The following ICA1 variants were observed in gnomAD, a reference collection of about 807,000 sequenced individuals.
ICA1 encodes the protein islet cell autoantigen 1.
ICA1 carries 40 observed loss-of-function variants against 71.0 expected under a neutral mutation model. The ratio of observed to expected loss-of-function variants is 0.56; its 90% CI spans 0.44 to 0.73. ICA1 has a LOEUF of 0.73. ICA1 is among the 30% of genes least tolerant of loss of function. The pLI is 0.00. For synonymous variants in ICA1, 207 were observed against 209.5 expected (o/e 0.99, Z 0.10); for missense variants, 578 against 576.5 (o/e 1.00, Z -0.03).
chr7:8,169,194 A>T (rs2128227362), intron 6 of ICA1, among the ~76,000 whole-genome samples: 1 of 152,228 alleles, frequency 6.6e-6, no homozygotes, highest in Admixed American at 6.5e-5. Flanking sequence ...ATGTATTAGT[A>T]GTGTGTTCTT....
chr7:8,140,059 T>C (rs574010549), intron 10 of ICA1, among the ~76,000 whole-genome samples: 22 of 152,268 alleles, frequency 1.4e-4, no homozygotes, highest in South Asian at 1.0e-3. Context: ...GAGAGAAAAT[T>C]TGATTCCCCT....
intron 6 of ICA1, among the ~76,000 whole-genome samples, chr7:8,192,839 C>G (rs1034849026): frequency 6.6e-6 from 1 of 152,156 alleles, no homozygotes; most frequent in African/African-American, 2.4e-5. Context: ...TTTATTTTAA[C>G]GCTTAAATGA....
chr7:8,169,876 TTGTG>T (rs974428424), intron 6 of ICA1, among the ~76,000 whole-genome samples: 1 of 145,974 alleles, frequency 6.9e-6, no homozygotes, highest in Non-Finnish European at 1.5e-5. Flanking sequence ...TCTTTTATGG[TTGTG>T]TGTGTGTGTT....
chr7:8,183,521 C>T lies in ICA1; in HGVS notation c.580-24869G>A, dbSNP rs111387704. 5.2e-3 allele frequency among the ~76,000 whole-genome samples: 786 copies of T among 152,182 alleles called. 4 individuals carry two copies. The highest frequency in any genetic ancestry group is 6.3e-3 in the Non-Finnish European group (429 of 67,998). ...CAGTCAACAAAAAATTATTAAAACC[C>T]CTGGTAATGTGGTGGAGTAGAAAGG... On this transcript the variant is annotated intron_variant, in intron 6 of 13. Coordinates refer to ENST00000402384, the MANE Select transcript of ICA1 (RefSeq NM_001136020.3).
chr7:8,143,820 A>T lies in ICA1; in HGVS notation c.902+55T>A, dbSNP rs552242370. 42 of 1,165,114 alleles carry T rather than the reference A, an allele frequency of 3.6e-5. No individual in the cohort carries two copies. The South Asian group carries it at 5.0e-4, about 14-fold the overall frequency. The allele number at this position is 1,165,114 out of a possible 1,614,324, so 72.2% of individuals were successfully genotyped here. ...CAGCCAGGTTCGGTCAGCGAGAACC[A>T]CATAACTCTCACCTGTGGGAAGAAA... On this transcript the variant is annotated intron_variant, in intron 9 of 13. Transcript: ENST00000402384.
chr7:8,172,261 T>C (rs764652930), intron 6 of ICA1, among the ~76,000 whole-genome samples: 1 of 152,106 alleles, frequency 6.6e-6, no homozygotes, highest in Non-Finnish European at 1.5e-5. Flanking sequence ...TATTCTATTA[T>C]CAGTTGTAGA....
At chr7:8,167,582 A>G (rs1806533981) in intron 6 of ICA1, among the ~76,000 whole-genome samples, 1 of 152,182 alleles carries the variant, frequency 6.6e-6, no homozygotes. Context: ...CCCGGCATGT[A>G]ATTTACCTAA....
intron 6 of ICA1, among the ~76,000 whole-genome samples, chr7:8,210,397 G>GT (rs1302137518): frequency 6.6e-6 from 1 of 152,262 alleles, no homozygotes; most frequent in African/African-American, 2.4e-5. Context: ...TTGCACAAAC[G>GT]TAACTGAAAA....
chr7:8,220,408 G>A (rs1427610909), intron 5 of ICA1, among the ~76,000 whole-genome samples: 1 of 152,200 alleles, frequency 6.6e-6, no homozygotes, highest in Non-Finnish European at 1.5e-5. Context: ...AGGGAAAGCA[G>A]CAAGGAGACA....
chr7:8,170,878 A>AT (rs1471536418), intron 6 of ICA1, among the ~76,000 whole-genome samples: 1 of 151,982 alleles, frequency 6.6e-6, no homozygotes, highest in African/African-American at 2.4e-5. Flanking sequence ...GTGAGAAAGC[A>AT]TATTTATTTT....
chr7:8,152,334 C>A (rs908869877), intron 8 of ICA1, among the ~76,000 whole-genome samples: 3 of 151,990 alleles, frequency 2.0e-5, no homozygotes, highest in African/African-American at 4.8e-5. Context: ...AACAAACTCT[C>A]CTGTATTGAT....
rs1797697392 is a variant in ICA1 at position 8,223,420 on chromosome 7, T to C, written c.257-2022A>G. On this transcript the variant is annotated intron_variant, in intron 4 of 13. Coordinates refer to ENST00000402384, the MANE Select transcript of ICA1 (RefSeq NM_001136020.3). The surrounding 1 kb of genome is among the most constrained non-coding windows in gnomAD (Gnocchi z 4.1). ...AATTTTCGGTCATTTTAGGCACTTG[T>C]GGATCAACTTGGGGCAGCAAACAGG... is the stretch of plus-strand genomic sequence containing the variant. 1.3e-5 allele frequency: 2 copies of C among 154,544 alleles called. No homozygotes were observed. Among genetic ancestry groups the C allele is most frequent in the Non-Finnish European group, 2.9e-5 (2 of 68,034 alleles). 9.6% of individuals were successfully genotyped at this position (154,544 alleles called of 1,614,324 possible).
At chr7:8,249,790 T>C (rs1265477250) in intron 1 of ICA1, among the ~76,000 whole-genome samples, 8 of 152,262 alleles carry the variant, frequency 5.3e-5, no homozygotes, top group Non-Finnish European at 4.4e-5. Context: ...TGAACTTTTC[T>C]TCAGAGAAGT....
At chr7:8,122,064 T>G (rs1271706432) in intron 13 of ICA1, among the ~76,000 whole-genome samples, 1 of 152,082 alleles carries the variant, frequency 6.6e-6, no homozygotes, top group African/African-American at 2.4e-5. Context: ...GCTGAGATAC[T>G]GAAGGATGAG....
At chr7:8,232,534 G>T in intron 3 of ICA1, 56 bp downstream of exon 3, 1 of 1,493,280 alleles carries the variant, frequency 6.7e-7, no homozygotes, top group East Asian at 2.4e-5. Flanking sequence ...GTATACTCTA[G>T]GACCTTGATC....
chr7:8,243,142 A>G (rs1047228889), intron 1 of ICA1, among the ~76,000 whole-genome samples: 1 of 152,366 alleles, frequency 6.6e-6, no homozygotes, highest in East Asian at 1.9e-4. Flanking sequence ...TATATCCCTG[A>G]TAAACATCAG....
chr7:8,130,159 A>G lies in ICA1; in HGVS notation c.1061-2017T>C, dbSNP rs1228275700. Among the ~76,000 whole-genome samples, 1 of 152,218 alleles carries G rather than the reference A, an allele frequency of 6.6e-6. No individual in the cohort carries two copies. Among genetic ancestry groups the G allele is most frequent in the Non-Finnish European group, 1.5e-5 (1 of 68,044 alleles). ...TTGCTGCTAGTGCCGCAATAAACAT[A>G]CGTGGGCATGTGTCTTTATAGCAGC... On this transcript the variant is annotated intron_variant, in intron 12 of 13. Transcript: ENST00000402384. The surrounding 1 kb of genome is among the most constrained non-coding windows in gnomAD (Gnocchi z 4.2).
At chr7:8,231,421 T>A (rs1800245676) in intron 3 of ICA1, among the ~76,000 whole-genome samples, 1 of 152,186 alleles carries the variant, frequency 6.6e-6, no homozygotes, top group Admixed American at 6.5e-5. Flanking sequence ...TAAACATTAA[T>A]TATTAATAAA....
chr7:8,250,913 T>G (rs975143154), intron 1 of ICA1, among the ~76,000 whole-genome samples: 1 of 152,206 alleles, frequency 6.6e-6, no homozygotes, highest in Admixed American at 6.5e-5. Flanking sequence ...AAGAAATTTT[T>G]TTTTTGAGAC....
Sources: allele counts gnomAD v4.1 joint callset (sites outside exome capture counted in the v4.1 genomes callset), GRCh38; gene constraint gnomAD v4.1.1; non-coding constraint Gnocchi (gnomAD v3.1); transcripts MANE v1.5; gene names NCBI Gene and HGNC (gene_info 2026-07-23, HGNC 2026-07-21).